ACLY: variants seen among roughly 807,000 people sequenced by gnomAD.
ACLY encodes ATP-citrate synthase.
Under a neutral mutation model 133.0 loss-of-function variants are expected in ACLY, and 41 were observed. The ratio of observed to expected loss-of-function variants is 0.31; its 90% confidence interval spans 0.24 to 0.40. ACLY has a LOEUF of 0.40. Ranked by LOEUF, ACLY falls within the 10% of genes least tolerant of loss-of-function variation. The probability of loss-of-function intolerance (pLI) is 1.00; values close to 1 mark genes in which losing one functional copy is unlikely to be tolerated. For missense variants in ACLY, 1,046 were observed against 1,453.8 expected, an observed-to-expected ratio of 0.72 and a Z score of 4.56; for synonymous variants, 495 against 549.3, an observed-to-expected ratio of 0.90 and a Z score of 1.38.
chr17:41,918,358 T>C (rs956815594), intron 1 of ACLY, among the ~76,000 whole-genome samples: 13 of 152,276 alleles, frequency 8.5e-5, no homozygotes, highest in African/African-American at 2.6e-4. Context: ...GAGGCGCGCA[T>C]AGCTCATTCT....
At chr17:41,918,804 C>G in intron 1 of ACLY, 76 bp downstream of exon 1, 2 of 1,264,026 alleles carry the variant, frequency 1.6e-6, no homozygotes, top group Non-Finnish European at 2.0e-6. Context: ...GAAGGCGGTT[C>G]CGGGTTGGGG....
chr17:41,916,176 CAA>C (rs1386888281), intron 1 of ACLY, among the ~76,000 whole-genome samples: 3 of 152,228 alleles, frequency 2.0e-5, no homozygotes, highest in African/African-American at 2.4e-5. Flanking sequence ...GGATAGAAAA[CAA>C]GAGATTTGCC....
intron 11 of ACLY, among the ~76,000 whole-genome samples, chr17:41,900,294 C>T (rs1555631326): frequency 6.6e-6 from 1 of 150,384 alleles, no homozygotes; most frequent in Non-Finnish European, 1.5e-5. Flanking sequence ...ACCCGGGAGG[C>T]GGAGCTTGCA....
chr17:41,885,194 G>A (rs1049296083), intron 18 of ACLY, among the ~76,000 whole-genome samples: 14 of 152,154 alleles, frequency 9.2e-5, no homozygotes, highest in Non-Finnish European at 1.5e-4. Flanking sequence ...CATGTCTTTT[G>A]ATATGATCAT....
At chr17:41,928,143 A>T (rs1418391632) in intron 1 of ACLY, among the ~76,000 whole-genome samples, 1 of 152,244 alleles carries the variant, frequency 6.6e-6, no homozygotes, top group Non-Finnish European at 1.5e-5. Context: ...CTCTCAAAAA[A>T]TAAAAATAAA....
At chr17:41,868,836 C>T (rs1555624494) in intron 27 of ACLY, 51 bp from the exon 28 acceptor site, 3 of 1,561,202 alleles carry the variant, frequency 1.9e-6, no homozygotes, top group South Asian at 1.1e-5. Flanking sequence ...GACTGCCCTC[C>T]TCCCCACAGA....
chr17:41,883,250 A>G lies in ACLY; in HGVS notation c.2155-18T>C, dbSNP rs116646755. 6.3e-4 allele frequency: 1,012 copies of G among 1,609,642 alleles called. 12 individuals are homozygous for G. The African/African-American group carries it at 0.012, about 20-fold the overall frequency. On this transcript the variant is annotated intron_variant, in intron 19 of 28. Transcript: ENST00000352035. ...CCCCCAATCTGCCAAGGAATGGGGA[A>G]TGAGAAAAAGCCAAGTTAGTGCAGC...
At position 41,905,559 on chromosome 17, in the gene ACLY, A is replaced by G; in HGVS notation, c.966T>C (p.Thr322=). Reference sequence around the variant, plus strand: ...TCTCTCGGGTCATGAGGGAGAGGATAGTCTTGGCATAGTCATAGGTCTGCT... The same window carrying G: ...TCTCTCGGGTCATGAGGGAGAGGATGGTCTTGGCATAGTCATAGGTCTGCT... ...SEQQTYDYAK[T]ILSLMTREKH... The change falls in exon 9 of 29, where the codon ACT becomes ACC. Residue 322 remains threonine (T), a synonymous_variant. Transcript: ENST00000352035. 6.2e-7 allele frequency: 1 copy of G among 1,614,156 alleles called. No individual in the cohort carries two copies. The highest frequency in any genetic ancestry group is 8.5e-7 in the Non-Finnish European group (1 of 1,180,026).
chr17:41,870,940 C>T, intron 25 of ACLY, among the ~76,000 whole-genome samples: 1 of 152,222 alleles, frequency 6.6e-6, no homozygotes, highest in Middle Eastern at 3.2e-3. Flanking sequence ...TGGCAGAGAA[C>T]AGGCACAGCA....
chr17:41,929,765 GTAACATCCTT>G (rs2050293335), intron 1 of ACLY, among the ~76,000 whole-genome samples: 1 of 151,976 alleles, frequency 6.6e-6, no homozygotes, highest in Non-Finnish European at 1.5e-5. Context: ...TCTCCCAATG[GTAACATCCTT>G]AAAAACTTTA....
chr17:41,913,732 G>T lies in ACLY; in HGVS notation c.142C>A (p.Pro48Thr). 6.2e-7 allele frequency: 1 copy of T among 1,614,136 alleles called. No homozygotes were observed. Among genetic ancestry groups the T allele is most frequent in the African/African-American group, 1.3e-5 (1 of 75,070 alleles). ...GGGCTCACCTGGCTGAGCAGCCAGG[G>T]GTGGTCCTGCAGCAAGCGGGCCCAG... The part of the protein sequence containing the change: ...TDWARLLQDH[P>T]WLLSQNLVVK... The change falls in exon 2 of 29, where the codon CCC (proline) becomes ACC (threonine). Residue 48 changes from proline (P) to threonine (T), a missense_variant. Physicochemically the swap from Pro to Thr is conservative, Grantham distance 38. Transcript: ENST00000352035.
chr17:41,909,827 C>A, intron 4 of ACLY, 127 bp from the exon 5 acceptor site: 1 of 832,482 alleles, frequency 1.2e-6, no homozygotes, highest in East Asian at 2.7e-5. Context: ...GTCTCATTTT[C>A]TAAAACCCAG....
upstream of ACLY, among the ~76,000 whole-genome samples, chr17:41,922,233 G>T (rs1383494868): frequency 6.6e-6 from 1 of 151,900 alleles, no homozygotes; most frequent in Non-Finnish European, 1.5e-5. Flanking sequence ...AAAAAAAATA[G>T]CCGGGCATGG....
chr17:41,876,348 G>A (rs1265829182), intron 22 of ACLY, among the ~76,000 whole-genome samples: 2 of 148,856 alleles, frequency 1.3e-5, no homozygotes, highest in African/African-American at 2.5e-5. Flanking sequence ...GGGCGCCTCT[G>A]CCCGGCCGCC....
chr17:41,904,505 T>C (rs1273296159), intron 10 of ACLY: 4 of 560,934 alleles, frequency 7.1e-6, no homozygotes, highest in Middle Eastern at 4.7e-4. Context: ...GGGAGAGTTA[T>C]AGTTCAGCGT....
chr17:41,924,660 G>T (rs1417269736), intron 1 of ACLY, among the ~76,000 whole-genome samples: 1 of 152,140 alleles, frequency 6.6e-6, no homozygotes, highest in Non-Finnish European at 1.5e-5. Flanking sequence ...CCTGGGGAAG[G>T]CTCTCCAGGG....
chr17:41,904,825 A>C (rs2049663330), intron 9 of ACLY, 35 bp from the exon 10 acceptor site: 2 of 1,586,308 alleles, frequency 1.3e-6, no homozygotes, highest in Non-Finnish European at 1.7e-6. Context: ...AAAAACAGTT[A>C]CATAGGTAGA....
chr17:41,894,564 A>G lies in ACLY; in HGVS notation c.1460-1390T>C, dbSNP rs371136851. Among the ~76,000 whole-genome samples, 413 of 151,976 alleles carry G rather than the reference A, an allele frequency of 2.7e-3. 3 individuals are homozygous for G. The highest frequency in any genetic ancestry group is 9.7e-3 in the African/African-American group (402 of 41,468). ...TAGTGAGACCCCACCTCAAAAAAAA[A>G]AACAACAAAGAAAAACCTTCCATGA... On this transcript the variant is annotated intron_variant, in intron 14 of 28. Coordinates refer to ENST00000352035, the MANE Select transcript of ACLY (RefSeq NM_001096.3).
intron 22 of ACLY, among the ~76,000 whole-genome samples, chr17:41,874,680 T>A (rs1189475724): frequency 1.3e-4 from 19 of 151,528 alleles, no homozygotes; most frequent in African/African-American, 4.6e-4. Context: ...TTCATGCCAT[T>A]CTCCTGCCTC....
Sources: allele counts gnomAD v4.1 joint callset (sites outside exome capture counted in the v4.1 genomes callset), GRCh38; gene constraint gnomAD v4.1.1; transcripts MANE v1.5; gene names NCBI Gene and HGNC (gene_info 2026-07-23, HGNC 2026-07-21).